The following EBF3 variants were observed in gnomAD, a reference collection of about 807,000 sequenced individuals.
The protein encoded by EBF3 is EBF transcription factor 3.
A neutral mutation model predicts 77.1 loss-of-function variants in EBF3; 18 were observed. That is an observed-to-expected ratio of 0.23 (90% confidence interval 0.16 to 0.35). The LOEUF (loss-of-function observed/expected upper bound fraction) is 0.35, where lower values mean the gene tolerates loss of function less well. Among genes scored for constraint, EBF3 ranks in the 10% least tolerant of loss-of-function variants. The pLI is 1.00. For synonymous variants in EBF3, 350 were observed against 343.5 expected (o/e 1.02, Z -0.21); for missense variants, 558 against 860.0 (o/e 0.65, Z 4.39).
chr10:129,879,682 A>G lies in EBF3; in HGVS notation c.555-1833T>C, dbSNP rs750707443. On this transcript the variant is annotated intron_variant, in intron 6 of 16. Transcript: ENST00000440978. This position sits in a 1 kb window ranked among gnomAD's most constrained non-coding sequence, Gnocchi z 4.7. ...CCTCTTCACACCATCTGCCATCAGC[A>G]TACAGTAAGTCACTTGATATTCCAC... is the stretch of plus-strand genomic sequence containing the variant. 2.0e-5 allele frequency among the ~76,000 whole-genome samples: 3 copies of G among 152,220 alleles called. No homozygotes were observed. The highest frequency in any genetic ancestry group is 4.4e-5 in the Non-Finnish European group (3 of 68,044).
chr10:129,900,488 G>A (rs977063121), intron 6 of EBF3, among the ~76,000 whole-genome samples: 1 of 152,190 alleles, frequency 6.6e-6, no homozygotes, highest in Non-Finnish European at 1.5e-5. Flanking sequence ...AGGTCCTGGG[G>A]GACATCTGGT....
rs1273663956 is a variant in EBF3 at position 129,962,963 on chromosome 10, G to C, written c.334C>G (p.Leu112Val). 1 of 1,614,152 alleles carries C rather than the reference G, an allele frequency of 6.2e-7. No individual in the cohort carries two copies. Among genetic ancestry groups the C allele is most frequent in the Non-Finnish European group, 8.5e-7 (1 of 1,180,004 alleles). The change falls in exon 3 of 17, where the codon CTC becomes GTC. Residue 112 changes from leucine (L) to valine (V), a missense_variant. This residue lies in a region of EBF3 where 84 missense variants were observed against 142.3 expected (regional missense o/e 0.59). Transcript: ENST00000440978. ...TTACCGTTGCTGTACAATAACTGGA[G>C]TTTATAGTGGATGCCGTTGTTGGTT... ...EKTNNGIHYK[L>V]QLLYSNGVRT...
intron 6 of EBF3, among the ~76,000 whole-genome samples, chr10:129,937,639 G>T (rs1420316570): frequency 6.6e-6 from 1 of 152,110 alleles, no homozygotes; most frequent in African/African-American, 2.4e-5. Context: ...TCCAGTCCCC[G>T]CCCCGTGCCC....
intron 4 of EBF3, among the ~76,000 whole-genome samples, chr10:129,960,706 T>C (rs1407868700): frequency 2.0e-5 from 3 of 151,166 alleles, no homozygotes; most frequent in Admixed American, 1.3e-4. Flanking sequence ...GCCCTGTTTA[T>C]ACTGCAAAGG....
At chr10:129,918,602 T>A (rs1402089018) in intron 6 of EBF3, among the ~76,000 whole-genome samples, 1 of 152,174 alleles carries the variant, frequency 6.6e-6, no homozygotes, top group Non-Finnish European at 1.5e-5. Flanking sequence ...CCCTGTGTGT[T>A]CGCATGGTTG....
chr10:129,948,216 C>A (rs1009030254), intron 6 of EBF3, among the ~76,000 whole-genome samples: 6 of 143,868 alleles, frequency 4.2e-5, no homozygotes, highest in Non-Finnish European at 7.5e-5. Flanking sequence ...CAAGATTGCA[C>A]CATTGCACTC....
chr10:129,895,443 G>A (rs943060678), intron 6 of EBF3, among the ~76,000 whole-genome samples: 4 of 152,218 alleles, frequency 2.6e-5, no homozygotes, highest in South Asian at 4.1e-4. Context: ...GCTGGGCTGC[G>A]GCCCAGCTAC....
rs199955197 is a variant in EBF3 at position 129,947,685 on chromosome 10, G to GAAA, written c.554+9570_554+9572dup. ...TCTTTGCAAAGGAACCAAATGCTTT[G>GAAA]AAAAAAAAAAAAAAAGAAGGGCAGG... On this transcript the variant is annotated intron_variant, in intron 6 of 16. Transcript: ENST00000440978. This position sits in a 1 kb window ranked among gnomAD's most constrained non-coding sequence, Gnocchi z 4.5. 8.2e-6 allele frequency among the ~76,000 whole-genome samples: 1 copy of GAAA among 121,528 alleles called. No homozygotes were observed. 79.7% of individuals were successfully genotyped at this position (121,528 alleles called of 152,430 possible).
chr10:129,917,650 T>TAAAAAAAAAAA (rs1258587841), intron 6 of EBF3, among the ~76,000 whole-genome samples: 1 of 2,474 alleles, frequency 4.0e-4, no homozygotes, highest in Admixed American at 7.9e-3. Context: ...AGACCCTGCC[T>TAAAAAAAAAAA]CAAAAAAAAA....
chr10:129,930,770 CCTATAT>C (rs1261653097), intron 6 of EBF3, among the ~76,000 whole-genome samples: 5 of 136,076 alleles, frequency 3.7e-5, no homozygotes, highest in African/African-American at 1.4e-4. Flanking sequence ...CTCTCATATA[CCTATAT>C]CTATACCTGT....
intron 4 of EBF3, among the ~76,000 whole-genome samples, chr10:129,959,514 G>A (rs781445642): frequency 2.6e-5 from 4 of 152,018 alleles, no homozygotes; most frequent in Non-Finnish European, 5.9e-5. Flanking sequence ...CGGCGCAGGA[G>A]CAGTTTGCCA....
chr10:129,937,247 G>A (rs1201210366), intron 6 of EBF3, among the ~76,000 whole-genome samples: 1 of 151,830 alleles, frequency 6.6e-6, no homozygotes, highest in Non-Finnish European at 1.5e-5. Flanking sequence ...GGGTTCCGGG[G>A]CGCACAGAGA....
At chr10:129,960,114 A>G (rs1589965794) in intron 4 of EBF3, among the ~76,000 whole-genome samples, 1 of 144,034 alleles carries the variant, frequency 6.9e-6, no homozygotes, top group African/African-American at 2.5e-5. Flanking sequence ...AACAGAAAAG[A>G]AAAAAAAAAA....
intron 6 of EBF3, among the ~76,000 whole-genome samples, chr10:129,883,011 G>A (rs1284229882): frequency 6.6e-6 from 1 of 152,176 alleles, no homozygotes; most frequent in African/African-American, 2.4e-5. Flanking sequence ...GGTGATTGAA[G>A]AGAAAAAGGA....
intron 6 of EBF3, among the ~76,000 whole-genome samples, chr10:129,932,539 A>G (rs906494889): frequency 6.6e-6 from 1 of 152,242 alleles, no homozygotes; most frequent in African/African-American, 2.4e-5. Context: ...AGATCAATAC[A>G]TCACCATTTC....
chr10:129,882,841 T>G (rs539310052), intron 6 of EBF3, among the ~76,000 whole-genome samples: 1 of 152,282 alleles, frequency 6.6e-6, no homozygotes, highest in Non-Finnish European at 1.5e-5. Context: ...TGCCAGCAAG[T>G]GTTGGGTAAT....
intron 10 of EBF3, among the ~76,000 whole-genome samples, chr10:129,857,207 ATGT>A (rs1851313350): frequency 7.2e-5 from 11 of 152,360 alleles, no homozygotes; most frequent in Admixed American, 5.9e-4. Context: ...ACCAAGATTA[ATGT>A]AAACACTGGA....
intron 6 of EBF3, among the ~76,000 whole-genome samples, chr10:129,934,604 C>A: frequency 6.6e-6 from 1 of 152,096 alleles, no homozygotes; most frequent in South Asian, 2.1e-4. Context: ...GCATGCTTAG[C>A]GGTGGGGCTG....
Position 129,841,042 on chromosome 10 carries a change from T to TCAC in EBF3, c.1373-11_1373-10insGTG. 3 of 1,510,196 alleles carry TCAC rather than the reference T, an allele frequency of 2.0e-6. No homozygotes were observed. The highest frequency in any genetic ancestry group is 2.0e-5 in the Admixed American group (1 of 50,550). 93.5% of individuals were successfully genotyped at this position (1,510,196 alleles called of 1,614,324 possible). A position where few individuals can be genotyped will look rare whatever the true frequency, so the allele number is the denominator to read the frequency against. On this transcript the variant is annotated splice_polypyrimidine_tract_variant and intron_variant, in intron 13 of 16. Coordinates refer to ENST00000440978, the MANE Select transcript of EBF3 (RefSeq NM_001375380.1). This position sits in a 1 kb window ranked among gnomAD's most constrained non-coding sequence, Gnocchi z 4.6. ...TTGCGACTGTAGCCGACTGTTGAAA[T>TCAC]CCCCCCCCCGGCCAAAAATAACATT...
Sources: gnomAD v4.1 joint callset for allele counts (sites outside exome capture counted in the v4.1 genomes callset) on GRCh38, gnomAD v4.1.1 for gene constraint, gnomAD v4.1.1 regional missense constraint, Gnocchi (gnomAD v3.1) non-coding constraint, MANE v1.5 for transcripts, NCBI Gene and HGNC (gene_info 2026-07-23, HGNC 2026-07-21) for gene names.